Variants in SLCO2A1 observed in about 807,000 individuals in gnomAD.
SLCO2A1 encodes the protein solute carrier organic anion transporter family member 2A1, also known as matrin F/G 1.
A neutral mutation model predicts 71.7 loss-of-function variants in SLCO2A1; 60 were observed. The ratio of observed to expected loss-of-function variants is 0.84; its 90% CI spans 0.68 to 1.04. The LOEUF is 1.04. Ranked by LOEUF, SLCO2A1 falls within the 50% of genes least tolerant of loss-of-function variation. The pLI is 0.00. For synonymous variants in SLCO2A1, 308 were observed against 326.7 expected, an observed-to-expected ratio of 0.94 and a Z score of 0.62; for missense variants, 745 against 813.4, an observed-to-expected ratio of 0.92 and a Z score of 1.02.
chr3:133,973,663 C>A lies in SLCO2A1; in HGVS notation c.397G>T (p.Gly133Trp). 1 of 1,613,574 alleles carries A rather than the reference C, an allele frequency of 6.2e-7. No individual in the cohort carries two copies. Among genetic ancestry groups the A allele is most frequent in the Non-Finnish European group, 8.5e-7 (1 of 1,179,982 alleles). ...EPYQYTLASTGNNSRLQAELC... is the reference protein window; with the variant it reads ...EPYQYTLASTWNNSRLQAELC... ...GAGGCAGGGGTTGGAAGCCACTCACCAGTGCTGGCCAAGGTGTACTGGTAG... is the reference window on the plus strand; with the variant it reads ...GAGGCAGGGGTTGGAAGCCACTCACAAGTGCTGGCCAAGGTGTACTGGTAG... Residue 133 changes from glycine to tryptophan, a missense_variant and splice_region_variant, in exon 3 of 14, where the codon GGG becomes TGG. Physicochemically the swap from Gly to Trp is radical, Grantham distance 184. Transcript: ENST00000310926.
At chr3:133,974,804 G>A (rs1934410031) in intron 2 of SLCO2A1, among the ~76,000 whole-genome samples, 1 of 152,188 alleles carries the variant, frequency 6.6e-6, no homozygotes, top group African/African-American at 2.4e-5. Context: ...GACTGGAGGA[G>A]CTCTGTAAAT....
chr3:133,977,281 T>C (rs1352431986), intron 2 of SLCO2A1, among the ~76,000 whole-genome samples: 1 of 152,234 alleles, frequency 6.6e-6, no homozygotes, highest in East Asian at 1.9e-4. Flanking sequence ...AAAGTTCATC[T>C]GAGACTGGGA....
intron 3 of SLCO2A1, among the ~76,000 whole-genome samples, chr3:133,957,275 G>A (rs72493171): frequency 3.5e-4 from 54 of 152,258 alleles, no homozygotes; most frequent in East Asian, 3.5e-3. Flanking sequence ...CCTCTCCCCC[G>A]TGGAGTGTTG....
At chr3:133,936,965 T>TA (rs1476096110) in intron 12 of SLCO2A1, among the ~76,000 whole-genome samples, 2 of 152,178 alleles carry the variant, frequency 1.3e-5, no homozygotes, top group Non-Finnish European at 1.5e-5. Context: ...TCCTTTTTTT[T>TA]ACCCAAGAGT....
chr3:133,969,998 G>A (rs1425807608), intron 3 of SLCO2A1, among the ~76,000 whole-genome samples: 1 of 152,182 alleles, frequency 6.6e-6, no homozygotes, highest in Non-Finnish European at 1.5e-5. Flanking sequence ...CCCTGCTCCA[G>A]AACAGAGCAG....
intron 1 of SLCO2A1, among the ~76,000 whole-genome samples, chr3:133,993,272 G>T (rs891976468): frequency 6.6e-6 from 1 of 152,226 alleles, no homozygotes. Context: ...GTTCCCGCCC[G>T]TGAAGGGGTA....
intron 1 of SLCO2A1, among the ~76,000 whole-genome samples, chr3:134,021,705 A>AAG: frequency 6.6e-6 from 1 of 152,218 alleles, no homozygotes; most frequent in South Asian, 2.1e-4. Context: ...AGGAAAGTCA[A>AAG]AGAGAGAGAG....
chr3:133,977,866 C>T (rs916978410), intron 2 of SLCO2A1, among the ~76,000 whole-genome samples: 1 of 152,040 alleles, frequency 6.6e-6, no homozygotes, highest in African/African-American at 2.4e-5. Flanking sequence ...GGCAACCACA[C>T]AGTCAGGCAG....
Position 133,935,780 on chromosome 3 carries a change from C to T in SLCO2A1, c.1808G>A (p.Arg603Gln), listed in dbSNP as rs187907881. The T allele has an allele frequency of 1.4e-5, 23 of 1,603,800 alleles. No homozygotes were observed. Among genetic ancestry groups the T allele is most frequent in the East Asian group, 4.5e-5 (2 of 44,764 alleles). Reference sequence around the variant, plus strand: ...ATACATGATGGGCCCTCACCTGTCTCGGAGAGCATCGTTGTCATAGTAGGC... The same window carrying T: ...ATACATGATGGGCCCTCACCTGTCTTGGAGAGCATCGTTGTCATAGTAGGC... ...ACAYYDNDAL[R>Q]DRYLGLQMGY... Residue 603 changes from arginine (R) to glutamine (Q), a missense_variant, in exon 13 of 14, where the codon CGA (arginine) becomes CAA (glutamine). Coordinates refer to ENST00000310926, the MANE Select transcript of SLCO2A1 (RefSeq NM_005630.3).
chr3:133,997,257 T>G, intron 1 of SLCO2A1, among the ~76,000 whole-genome samples: 1 of 152,170 alleles, frequency 6.6e-6, no homozygotes, highest in East Asian at 1.9e-4. Flanking sequence ...CCTCTGCAAC[T>G]CAAAGCAAAA....
intron 11 of SLCO2A1, 193 bp downstream of exon 11, chr3:133,942,412 G>A (rs935812534): frequency 1.2e-5 from 7 of 600,704 alleles, no homozygotes; most frequent in Admixed American, 3.3e-5. Flanking sequence ...GAGCCTCCCT[G>A]GGCAGGGCTC....
chr3:133,947,312 A>T lies in SLCO2A1; in HGVS notation c.1239T>A (p.Val413=). 1 of 1,614,152 alleles carries T rather than the reference A, an allele frequency of 6.2e-7. No homozygotes were observed. The highest frequency in any genetic ancestry group is 8.5e-7 in the Non-Finnish European group (1 of 1,180,040). ...TIITISMILC[V]PLFFMGCSTP... is the part of the protein sequence containing the mutation. ...TGGAGCATCCCATGAAGAACAAAGG[A>T]ACACAAAGGATCATGGAGATGGTGA... is the stretch of plus-strand genomic sequence containing the variant. The change falls in exon 9 of 14, where the codon GTT becomes GTA. Residue 413 remains valine, a synonymous_variant. Coordinates refer to ENST00000310926, the MANE Select transcript of SLCO2A1 (RefSeq NM_005630.3).
chr3:133,990,212 C>T (rs188842882), intron 1 of SLCO2A1, among the ~76,000 whole-genome samples: 19 of 152,390 alleles, frequency 1.2e-4, no homozygotes, highest in Admixed American at 5.2e-4. Context: ...ATCAACACTT[C>T]CCAACCACTG....
intron 1 of SLCO2A1, among the ~76,000 whole-genome samples, chr3:133,994,444 G>A (rs1041517334): frequency 6.6e-6 from 1 of 152,184 alleles, no homozygotes; most frequent in African/African-American, 2.4e-5. Context: ...TCCAACAATG[G>A]CTTTACCTAC....
chr3:133,982,369 G>T (rs913696595), intron 1 of SLCO2A1, among the ~76,000 whole-genome samples: 1 of 152,080 alleles, frequency 6.6e-6, no homozygotes, highest in Admixed American at 6.5e-5. Context: ...AATCCCATTT[G>T]CCATAGGATG....
At chr3:134,008,520 C>T (rs1935268919) in intron 1 of SLCO2A1, among the ~76,000 whole-genome samples, 1 of 152,182 alleles carries the variant, frequency 6.6e-6, no homozygotes, top group Non-Finnish European at 1.5e-5. Context: ...TGGGTGAAAA[C>T]CCACCCAAGA....
intron 6 of SLCO2A1, among the ~76,000 whole-genome samples, chr3:133,950,508 G>A (rs1933716184): frequency 6.6e-6 from 1 of 151,762 alleles, no homozygotes; most frequent in Admixed American, 6.6e-5. Flanking sequence ...TCTCTGCACT[G>A]GCCTCTTCAG....
intron 3 of SLCO2A1, among the ~76,000 whole-genome samples, chr3:133,971,588 C>T (rs1934328043): frequency 6.6e-6 from 1 of 152,176 alleles, no homozygotes; most frequent in South Asian, 2.1e-4. Context: ...AAGGGCTGCC[C>T]TCTATTATTC....
chr3:133,971,989 T>A (rs1380169368), intron 3 of SLCO2A1, among the ~76,000 whole-genome samples: 7 of 151,990 alleles, frequency 4.6e-5, no homozygotes, highest in Non-Finnish European at 1.0e-4. Context: ...ATGGTCAAAC[T>A]CAAGGAGGTA....
Sources: gnomAD v4.1 joint callset for allele counts (sites outside exome capture counted in the v4.1 genomes callset) on GRCh38, gnomAD v4.1.1 for gene constraint, MANE v1.5 for transcripts, NCBI Gene and HGNC (gene_info 2026-07-23, HGNC 2026-07-21) for gene names.